The following R3HCC1L variants were observed in gnomAD, a reference collection of about 807,000 sequenced individuals.
R3HCC1L encodes the protein R3H domain and coiled-coil containing 1 like.
Under a neutral mutation model 59.9 loss-of-function variants are expected in R3HCC1L, and 51 were observed. The observed-to-expected ratio is 0.85, with a 90% CI of 0.68 to 1.07. The LOEUF (loss-of-function observed/expected upper bound fraction) is 1.07. R3HCC1L is among the 50% of genes least tolerant of loss of function. The pLI is 0.00. For synonymous variants in R3HCC1L, 322 were observed against 315.2 expected, an observed-to-expected ratio of 1.02 and a Z score of -0.23; for missense variants, 965 against 933.0, an observed-to-expected ratio of 1.03 and a Z score of -0.45.
intron 4 of R3HCC1L, among the ~76,000 whole-genome samples, chr10:98,179,321 CAT>C (rs1387860795): frequency 1.3e-5 from 2 of 152,060 alleles, no homozygotes; most frequent in Non-Finnish European, 2.9e-5. Flanking sequence ...TTGAGATAAT[CAT>C]GTGGTTTTTG....
At chr10:98,190,738 T>TG (rs1850737453) in intron 4 of R3HCC1L, among the ~76,000 whole-genome samples, 1 of 152,180 alleles carries the variant, frequency 6.6e-6, no homozygotes, top group Non-Finnish European at 1.5e-5. Context: ...TGTGCCATGT[T>TG]GGTTTGCTTC....
intron 6 of R3HCC1L, 142 bp downstream of exon 6, chr10:98,231,829 A>G: frequency 3.2e-6 from 3 of 925,244 alleles, no homozygotes; most frequent in Non-Finnish European, 4.7e-6. Flanking sequence ...TTCCAGGTCC[A>G]GTAGAAATTT....
Position 98,201,121 on chromosome 10 carries a change from G to A in R3HCC1L, c.-14-6980G>A, listed in dbSNP as rs376036783. On this transcript the variant is annotated intron_variant, in intron 4 of 9. Coordinates refer to ENST00000298999, the MANE Select transcript of R3HCC1L (RefSeq NM_001351015.2). ...TGTTCCATATTTTTCCATTGATTTG[G>A]AGTGCCACGTTTATTATAAAATGAA... Among the ~76,000 whole-genome samples, 5 of 152,274 alleles carry A rather than the reference G, an allele frequency of 3.3e-5. No individual in the cohort carries two copies. In the South Asian group the frequency reaches 1.0e-3, roughly 32 times the overall value.
intron 1 of R3HCC1L, among the ~76,000 whole-genome samples, chr10:98,154,116 G>A (rs1846574841): frequency 6.8e-6 from 1 of 146,074 alleles, no homozygotes; most frequent in Non-Finnish European, 1.5e-5. Context: ...GCATTACTCT[G>A]TGGATATCAT....
chr10:98,236,534 T>G (rs1389873311), intron 9 of R3HCC1L, among the ~76,000 whole-genome samples: 2 of 152,228 alleles, frequency 1.3e-5, no homozygotes, highest in African/African-American at 4.8e-5. Flanking sequence ...TGCCATGATA[T>G]TGCCCTAATG....
intron 4 of R3HCC1L, among the ~76,000 whole-genome samples, chr10:98,201,611 T>C (rs1404298100): frequency 1.3e-5 from 2 of 152,186 alleles, no homozygotes; most frequent in Non-Finnish European, 2.9e-5. Flanking sequence ...GAAACAAATA[T>C]TATCAGACAC....
Position 98,234,519 on chromosome 10 carries a change from A to G in R3HCC1L, c.2032+3A>G. On this transcript the variant is annotated splice_donor_region_variant and intron_variant, in intron 7 of 9. Coordinates refer to ENST00000298999, the MANE Select transcript of R3HCC1L (RefSeq NM_001351015.2). ...AGTATTCTCCAGTCCAATTACAGGT[A>G]TTCACCCAGTGGCTTTCAATCTTCC... The G allele has an allele frequency of 6.2e-7, 1 of 1,608,862 alleles. No individual in the cohort carries two copies. Among genetic ancestry groups the G allele is most frequent in the Non-Finnish European group, 8.5e-7 (1 of 1,175,852 alleles).
At position 98,208,242 on chromosome 10, in the gene R3HCC1L, C is replaced by A; in HGVS notation, c.128C>A (p.Pro43His). The part of the protein sequence containing the change: ...TGDEEESCGS[P>H]NSVVKEKQKE... ...GATGAAGAAGAAAGCTGTGGTTCAC[C>A]TAACTCTGTGGTGAAAGAAAAGCAA... The change falls in exon 5 of 10, where the codon CCT (proline) becomes CAT (histidine). Residue 43 changes from proline to histidine, a missense_variant. Transcript: ENST00000298999. The A allele has an allele frequency of 1.2e-6, 2 of 1,614,026 alleles. No homozygotes were observed. Among genetic ancestry groups the A allele is most frequent in the Non-Finnish European group, 1.7e-6 (2 of 1,180,010 alleles).
At chr10:98,149,784 G>A (rs1845973169) in intron 1 of R3HCC1L, among the ~76,000 whole-genome samples, 1 of 152,222 alleles carries the variant, frequency 6.6e-6, no homozygotes, top group Non-Finnish European at 1.5e-5. Flanking sequence ...AAGCATGTGT[G>A]TTCTGTGGCA....
chr10:98,147,633 C>A (rs1845786666), intron 1 of R3HCC1L, among the ~76,000 whole-genome samples: 1 of 152,038 alleles, frequency 6.6e-6, no homozygotes. Context: ...GTATAGTTAT[C>A]CAGTTTTTCC....
At chr10:98,170,318 T>C (rs950655029) in intron 4 of R3HCC1L, among the ~76,000 whole-genome samples, 2 of 152,052 alleles carry the variant, frequency 1.3e-5, no homozygotes, top group African/African-American at 4.8e-5. Flanking sequence ...CTATAAGCTT[T>C]TTGTTGGTTT....
intron 4 of R3HCC1L, among the ~76,000 whole-genome samples, chr10:98,206,874 A>G (rs533000138): frequency 9.8e-4 from 150 of 152,364 alleles, no homozygotes; most frequent in Admixed American, 3.9e-3. Context: ...TATAAAATAC[A>G]TGAAGAATGT....
intron 4 of R3HCC1L, among the ~76,000 whole-genome samples, chr10:98,190,882 C>A (rs1259761526): frequency 6.6e-6 from 1 of 151,254 alleles, no homozygotes; most frequent in Non-Finnish European, 1.5e-5. Flanking sequence ...CAGTTCCTAC[C>A]TATGAGTGAG....
chr10:98,164,317 G>A (rs1256901574), intron 4 of R3HCC1L, among the ~76,000 whole-genome samples: 1 of 152,158 alleles, frequency 6.6e-6, no homozygotes, highest in Non-Finnish European at 1.5e-5. Flanking sequence ...AGAATCCAGG[G>A]ATGAGGAACT....
intron 4 of R3HCC1L, among the ~76,000 whole-genome samples, chr10:98,167,240 C>T (rs1848043023): frequency 6.6e-6 from 1 of 152,078 alleles, no homozygotes; most frequent in African/African-American, 2.4e-5. Flanking sequence ...GAAGATTTTA[C>T]TGTATTGTAA....
chr10:98,195,382 A>G lies in R3HCC1L; in HGVS notation c.-14-12719A>G, dbSNP rs187599233. Among the ~76,000 whole-genome samples, 114 of 152,192 alleles carry G rather than the reference A, an allele frequency of 7.5e-4. 1 individual carries two copies. The highest frequency in any genetic ancestry group is 2.7e-3 in the African/African-American group (111 of 41,550). On this transcript the variant is annotated intron_variant, in intron 4 of 9. Transcript: ENST00000298999. The stretch of plus-strand genomic sequence containing the variant: ...AAGTTTAGTGATCTGTCATACAACA[A>G]TATGCATATAGTTAAAATACTGTGC...
At chr10:98,238,516 A>G (rs1019313696) in intron 9 of R3HCC1L, among the ~76,000 whole-genome samples, 1 of 152,204 alleles carries the variant, frequency 6.6e-6, no homozygotes, top group African/African-American at 2.4e-5. Flanking sequence ...AAACTCCATC[A>G]TAACTTACAG....
Position 98,171,195 on chromosome 10 carries a change from T to C in R3HCC1L, c.-15+7798T>C, listed in dbSNP as rs1848475052. 3.3e-5 allele frequency among the ~76,000 whole-genome samples: 5 copies of C among 152,216 alleles called. No individual in the cohort carries two copies. The South Asian group carries it at 1.0e-3, about 32-fold the overall frequency. ...TTGTAACCAAGGTTCCAGTCTTGCA[T>C]TGCCACTTAATATCTGTGTAACCAC... is the stretch of plus-strand genomic sequence containing the variant. On this transcript the variant is annotated intron_variant, in intron 4 of 9. Coordinates refer to ENST00000298999, the MANE Select transcript of R3HCC1L (RefSeq NM_001351015.2).
chr10:98,235,332 C>T, intron 7 of R3HCC1L, 93 bp from the exon 8 acceptor site: 3 of 1,050,116 alleles, frequency 2.9e-6, no homozygotes, highest in Non-Finnish European at 4.2e-6. Flanking sequence ...GAAAAAAAAG[C>T]ATAACATCTA....
Sources: gnomAD v4.1 joint callset for allele counts (sites outside exome capture counted in the v4.1 genomes callset) on GRCh38, gnomAD v4.1.1 for gene constraint, MANE v1.5 for transcripts, NCBI Gene and HGNC (gene_info 2026-07-23, HGNC 2026-07-21) for gene names.